Variants in ZDHHC8 observed in about 807,000 individuals in gnomAD.
ZDHHC8 encodes palmitoyltransferase ZDHHC8.
In ZDHHC8, 24 loss-of-function variants were observed where a neutral mutation model predicts 61.2. The ratio of observed to expected loss-of-function variants is 0.39; its 90% confidence interval spans 0.28 to 0.55. The LOEUF is 0.55. ZDHHC8 is among the 20% of genes least tolerant of loss of function. The pLI, the probability that ZDHHC8 is intolerant of heterozygous loss-of-function variation, is 0.60. For synonymous variants in ZDHHC8, 523 were observed against 492.5 expected (o/e 1.06, Z -0.82); for missense variants, 935 against 1,102.1 (o/e 0.85, Z 2.15).
At chr22:20,137,142 T>A (rs2050428240) in intron 1 of ZDHHC8, among the ~76,000 whole-genome samples, 1 of 152,232 alleles carries the variant, frequency 6.6e-6, no homozygotes, top group Non-Finnish European at 1.5e-5. Flanking sequence ...CTCACAGGCA[T>A]GTGGCAGGTA....
At chr22:20,132,310 A>C (rs1425358079) in intron 1 of ZDHHC8, among the ~76,000 whole-genome samples, 2 of 152,174 alleles carry the variant, frequency 1.3e-5, no homozygotes, top group African/African-American at 4.8e-5. Context: ...GTGTCCAGGC[A>C]GGCCCTGGCG....
intron 1 of ZDHHC8, among the ~76,000 whole-genome samples, chr22:20,134,586 C>T (rs1266244904): frequency 2.0e-5 from 3 of 152,258 alleles, no homozygotes; most frequent in Admixed American, 2.0e-4. Context: ...TTCCCGACTT[C>T]ACTGTTTGCT....
intron 1 of ZDHHC8, among the ~76,000 whole-genome samples, chr22:20,135,090 C>T (rs2050408700): frequency 6.6e-6 from 1 of 152,070 alleles, no homozygotes; most frequent in Non-Finnish European, 1.5e-5. Context: ...CACCCTCACA[C>T]CTGGCTAATT....
chr22:20,142,935 C>G lies in ZDHHC8; in HGVS notation c.1305C>G (p.Leu435=). 1 of 1,603,956 alleles carries G rather than the reference C, an allele frequency of 6.2e-7. No individual in the cohort carries two copies. Among genetic ancestry groups the G allele is most frequent in the Non-Finnish European group, 8.5e-7 (1 of 1,174,256 alleles). ...AFSGALRSLS[L]KASSRRGGDH... The stretch of plus-strand genomic sequence containing the variant: ...CGGGCGCTTTGCGCTCCCTGAGCCT[C>G]AAGGCCTCGAGCCGGCGGGGCGGGG... The change falls in exon 10 of 11, where the codon CTC becomes CTG. Residue 435 remains leucine, a synonymous_variant. Coordinates refer to ENST00000334554, the MANE Select transcript of ZDHHC8 (RefSeq NM_013373.4).
At position 20,143,533 on chromosome 22, in the gene ZDHHC8, G is replaced by C; in HGVS notation, c.1903G>C (p.Val635Leu). 6.3e-7 allele frequency: 1 copy of C among 1,598,872 alleles called. No homozygotes were observed. Among genetic ancestry groups the C allele is most frequent in the South Asian group, 1.1e-5 (1 of 90,494 alleles). The change falls in exon 10 of 11, where the codon GTG becomes CTG. Residue 635 changes from valine to leucine, a missense_variant. Physicochemically the swap from Val to Leu is conservative, Grantham distance 32. This residue lies in a region of ZDHHC8 where 692 missense variants were observed against 731.4 expected (regional missense o/e 0.95). Transcript: ENST00000334554. ...GTCACTGTCCTCGCTGTCCAGCTCCGTGAGCCGTGCACCGCGGACGTCGTC... is the reference window on the plus strand; with the variant it reads ...GTCACTGTCCTCGCTGTCCAGCTCCCTGAGCCGTGCACCGCGGACGTCGTC... Reference protein sequence around the residue: ...QTSLSSLSSSVSRAPRTSSSS... With the variant: ...QTSLSSLSSSLSRAPRTSSSS...
At chr22:20,141,593 C>T (rs545778992) in intron 9 of ZDHHC8, 63 bp downstream of exon 9, 4 of 1,404,044 alleles carry the variant, frequency 2.8e-6, no homozygotes. Context: ...TAGGAGCTCG[C>T]CCCACAGCCT....
chr22:20,144,723 A>G (rs2050506239), intron 10 of ZDHHC8, among the ~76,000 whole-genome samples: 1 of 152,268 alleles, frequency 6.6e-6, no homozygotes, highest in Non-Finnish European at 1.5e-5. Flanking sequence ...CATTGCAGCC[A>G]GGCAGGGATC....
intron 9 of ZDHHC8, 36 bp from the exon 10 acceptor site, chr22:20,142,720 C>T (rs1190392564): frequency 1.9e-6 from 3 of 1,607,850 alleles, no homozygotes; most frequent in Non-Finnish European, 2.5e-6. Flanking sequence ...GGCGGGGTGG[C>T]AGGTGGGCAG....
Position 20,147,222 on chromosome 22 carries a change from G to C in ZDHHC8, c.*1822G>C. ...CCTCCAGTCTTTTCCCCAGCCTCTC[G>C]GGGCCCTAGCAGGATGACAAGTAGG... On this transcript the variant is annotated 3_prime_UTR_variant, in exon 11 of 11. Coordinates refer to ENST00000334554, the MANE Select transcript of ZDHHC8 (RefSeq NM_013373.4). 2.0e-6 allele frequency: 3 copies of C among 1,469,734 alleles called. No homozygotes were observed. Among genetic ancestry groups the C allele is most frequent in the Non-Finnish European group, 2.7e-6 (3 of 1,107,130 alleles). 91.0% of individuals were successfully genotyped at this position (1,469,734 alleles called of 1,614,324 possible).
intron 1 of ZDHHC8, among the ~76,000 whole-genome samples, chr22:20,137,479 C>T (rs1033293568): frequency 6.6e-6 from 1 of 152,240 alleles, no homozygotes; most frequent in Admixed American, 6.5e-5. Context: ...GAGGGTTGAC[C>T]AATGGCACTC....
Position 20,145,500 on chromosome 22 carries a change from A to C in ZDHHC8, c.*100A>C. The C allele has an allele frequency of 7.4e-7, 1 of 1,347,178 alleles. No individual in the cohort carries two copies. The highest frequency in any genetic ancestry group is 1.8e-5 in the South Asian group (1 of 55,368). The allele number at this position is 1,347,178 out of a possible 1,614,324, so 83.5% of individuals were successfully genotyped here. ...TTCTCTGCCCCAGGGACCCGAGGCC[A>C]CCCCAGCCTGGTGTGGACCCATCGG... On this transcript the variant is annotated 3_prime_UTR_variant, in exon 11 of 11. Transcript: ENST00000334554.
intron 1 of ZDHHC8, among the ~76,000 whole-genome samples, chr22:20,135,982 T>C (rs60292854): frequency 0.042 from 6,437 of 152,362 alleles, 180 homozygotes; most frequent in South Asian, 0.095. Flanking sequence ...AAGCCACCCC[T>C]CTTGCTCGGC....
intron 1 of ZDHHC8, among the ~76,000 whole-genome samples, chr22:20,137,798 C>T (rs1328324164): frequency 6.6e-6 from 1 of 152,178 alleles, no homozygotes; most frequent in South Asian, 2.1e-4. Flanking sequence ...TTGAGTGCTG[C>T]CTGTGTGCCA....
Position 20,147,472 on chromosome 22 carries a change from G to A in ZDHHC8, c.*2072G>A, listed in dbSNP as rs2050539044. 7.0e-6 allele frequency: 3 copies of A among 427,104 alleles called. No individual in the cohort carries two copies. The East Asian group carries it at 1.1e-4, about 16-fold the overall frequency. 26.5% of individuals were successfully genotyped at this position (427,104 alleles called of 1,614,324 possible). ...ACAGGGGGGCAGTCCCAGAGCTGTG[G>A]GGACCGGCACGACCTTTGCCCAGCC... On this transcript the variant is annotated 3_prime_UTR_variant, in exon 11 of 11. Coordinates refer to ENST00000334554, the MANE Select transcript of ZDHHC8 (RefSeq NM_013373.4).
chr22:20,139,394 C>A (rs2050447415), intron 2 of ZDHHC8, 79 bp downstream of exon 2: 2 of 1,602,638 alleles, frequency 1.2e-6, no homozygotes, highest in Non-Finnish European at 1.7e-6. Flanking sequence ...TTAGGGATTC[C>A]TGGTGGGTGG....
Position 20,146,074 on chromosome 22 carries a change from C to G in ZDHHC8, c.*674C>G. ...CCGCGCCGTGTCTGATGTGTCAGTG[C>G]TCCGGCCGCCGCTGTCCCTTTCATC... is the stretch of plus-strand genomic sequence containing the variant. On this transcript the variant is annotated 3_prime_UTR_variant, in exon 11 of 11. Transcript: ENST00000334554. 2 of 985,846 alleles carry G rather than the reference C, an allele frequency of 2.0e-6. No homozygotes were observed. The highest frequency in any genetic ancestry group is 2.4e-6 in the Non-Finnish European group (2 of 830,002). The allele number at this position is 985,846 out of a possible 1,614,324, so 61.1% of individuals were successfully genotyped here.
chr22:20,145,518 C>T lies in ZDHHC8; in HGVS notation c.*118C>T. On this transcript the variant is annotated 3_prime_UTR_variant, in exon 11 of 11. Transcript: ENST00000334554. ...CGAGGCCACCCCAGCCTGGTGTGGA[C>T]CCATCGGCGGGAGAGAGTGCCACGC... is the stretch of plus-strand genomic sequence containing the variant. 3.0e-6 allele frequency: 4 copies of T among 1,327,906 alleles called. No individual in the cohort carries two copies. Among genetic ancestry groups the T allele is most frequent in the Non-Finnish European group, 3.8e-6 (4 of 1,040,148 alleles). The allele number at this position is 1,327,906 out of a possible 1,614,324, so 82.3% of individuals were successfully genotyped here.
chr22:20,146,414 T>C lies in ZDHHC8; in HGVS notation c.*1014T>C. The C allele has an allele frequency of 1.0e-6, 1 of 983,920 alleles. No individual in the cohort carries two copies. The highest frequency in any genetic ancestry group is 1.2e-6 in the Non-Finnish European group (1 of 828,424). 60.9% of individuals were successfully genotyped at this position (983,920 alleles called of 1,614,324 possible). A position where few individuals can be genotyped will look rare whatever the true frequency, so the allele number is the denominator to read the frequency against. On this transcript the variant is annotated 3_prime_UTR_variant, in exon 11 of 11. Transcript: ENST00000334554. ...TCTGTTTTATGTTTTTATATCTACA[T>C]CTATATATCTATAATTTTATTAAAA... is the stretch of plus-strand genomic sequence containing the variant.
In ZDHHC8 at chr22:20,147,345, A is replaced by G. The variant is rs1018595478; in HGVS notation, c.*1945A>G. 1.0e-5 allele frequency: 11 copies of G among 1,078,440 alleles called. No individual in the cohort carries two copies. The highest frequency in any genetic ancestry group is 1.4e-5 in the Non-Finnish European group (11 of 797,162). 66.8% of individuals were successfully genotyped at this position (1,078,440 alleles called of 1,614,324 possible). A position where few individuals can be genotyped will look rare whatever the true frequency, so the allele number is the denominator to read the frequency against. On this transcript the variant is annotated 3_prime_UTR_variant, in exon 11 of 11. Transcript: ENST00000334554. ...GGGGGTGGGCTGGGCTCTCTGCTCC[A>G]CCAGCCACAGCTTGACAGATTCCCA...
Sources: allele counts gnomAD v4.1 joint callset (sites outside exome capture counted in the v4.1 genomes callset), GRCh38; gene constraint gnomAD v4.1.1; regional missense constraint gnomAD v4.1.1; transcripts MANE v1.5; gene names NCBI Gene and HGNC (gene_info 2026-07-23, HGNC 2026-07-21).